Variants in WDR20 observed in about 807,000 individuals in gnomAD.
WDR20 encodes WD repeat domain 20.
WDR20 carries 3 observed loss-of-function variants against 38.7 expected under a neutral mutation model. The observed-to-expected ratio is 0.08, with a 90% CI of 0.04 to 0.20. The LOEUF (loss-of-function observed/expected upper bound fraction) is 0.20. Ranked by LOEUF, WDR20 falls within the 10% of genes least tolerant of loss-of-function variation. The pLI is 1.00. For synonymous variants in WDR20, 298 were observed against 285.6 expected, an observed-to-expected ratio of 1.04 and a Z score of -0.44; for missense variants, 559 against 727.7, an observed-to-expected ratio of 0.77 and a Z score of 2.67.
At chr14:102,214,499 T>C, downstream of WDR20, 3 of 985,482 alleles carry the variant, frequency 3.0e-6, no homozygotes, top group Non-Finnish European at 2.4e-6. Flanking sequence ...CTCACTGATG[T>C]TGATTTCTTT....
intron 1 of WDR20, among the ~76,000 whole-genome samples, chr14:102,142,041 C>T (rs2051414343): frequency 6.6e-6 from 1 of 152,132 alleles, no homozygotes; most frequent in Non-Finnish European, 1.5e-5. Flanking sequence ...CAATAGTGTT[C>T]TCTTTTAGTG....
At chr14:102,144,780 T>C (rs1286147430) in intron 1 of WDR20, among the ~76,000 whole-genome samples, 5 of 151,980 alleles carry the variant, frequency 3.3e-5, no homozygotes, top group Non-Finnish European at 7.4e-5. Context: ...CTTGGCTCAC[T>C]GCAACCTCTG....
intron 1 of WDR20, among the ~76,000 whole-genome samples, chr14:102,181,257 C>G (rs2063313877): frequency 6.6e-6 from 1 of 152,084 alleles, no homozygotes; most frequent in African/African-American, 2.4e-5. Context: ...CTGGTAGTTA[C>G]TGTCTGATGT....
chr14:102,140,232 C>T, intron 1 of WDR20, 60 bp downstream of exon 1: 1 of 1,594,026 alleles, frequency 6.3e-7, no homozygotes, highest in Non-Finnish European at 8.5e-7. Flanking sequence ...GGGAGCAGGG[C>T]GGTGACAGTG....
At chr14:102,183,025 C>G (rs551599849) in intron 1 of WDR20, among the ~76,000 whole-genome samples, 1 of 152,042 alleles carries the variant, frequency 6.6e-6, no homozygotes, top group South Asian at 2.1e-4. Flanking sequence ...GATTGCGCTA[C>G]TGCACTCCAG....
chr14:102,161,150 T>C (rs1234735521), intron 1 of WDR20, among the ~76,000 whole-genome samples: 1 of 23,304 alleles, frequency 4.3e-5, no homozygotes, highest in Non-Finnish European at 1.0e-4. Flanking sequence ...ATATTTTTTT[T>C]TTTTTTTTTT....
downstream of WDR20, chr14:102,215,114 T>G: frequency 1.9e-6 from 1 of 514,984 alleles, no homozygotes; most frequent in Non-Finnish European, 2.5e-6. Flanking sequence ...TGTTAATGTT[T>G]ATAGAACAGC....
At chr14:102,176,792 G>C (rs1010755296) in intron 1 of WDR20, among the ~76,000 whole-genome samples, 15 of 151,872 alleles carry the variant, frequency 9.9e-5, no homozygotes, top group Admixed American at 9.8e-4. Flanking sequence ...GGAGTGCAGT[G>C]GCGCCATCTC....
At chr14:102,212,461 A>G, downstream of WDR20, 1 of 1,527,426 alleles carries the variant, frequency 6.5e-7, no homozygotes, top group Non-Finnish European at 8.8e-7. Flanking sequence ...CAGGCCCTGC[A>G]GGGCGACACC....
intron 1 of WDR20, among the ~76,000 whole-genome samples, chr14:102,175,254 A>T (rs970687102): frequency 6.6e-6 from 1 of 152,210 alleles, no homozygotes; most frequent in African/African-American, 2.4e-5. Context: ...ATCCAATTTT[A>T]TTCTTCTACA....
intron 1 of WDR20, among the ~76,000 whole-genome samples, chr14:102,145,841 T>C (rs2152689756): frequency 6.6e-6 from 1 of 152,240 alleles, no homozygotes; most frequent in East Asian, 1.9e-4. Context: ...CCAAAGAACC[T>C]TCCTACCTTC....
chr14:102,178,488 C>G (rs187252766), intron 1 of WDR20, among the ~76,000 whole-genome samples: 16 of 152,142 alleles, frequency 1.1e-4, no homozygotes, highest in Admixed American at 9.8e-4. Flanking sequence ...TTCTCCCTCT[C>G]TTCCCTTACA....
Position 102,139,990 on chromosome 14 carries a change from C to T in WDR20, c.67C>T (p.Leu23=). Residue 23 remains leucine, a synonymous_variant, in exon 1 of 3, where the codon CTG becomes TTG. Transcript: ENST00000342702. ...GACCCAATTCACCACCCGGGAAGGTCTGTACAAGCTGCTGCCGCACTCGGA... is the reference window on the plus strand; with the variant it reads ...GACCCAATTCACCACCCGGGAAGGTTTGTACAAGCTGCTGCCGCACTCGGA... ...IKTQFTTREG[L]YKLLPHSEYS... The T allele has an allele frequency of 6.2e-7, 1 of 1,614,234 alleles. No individual in the cohort carries two copies. The highest frequency in any genetic ancestry group is 8.5e-7 in the Non-Finnish European group (1 of 1,180,032).
downstream of WDR20, among the ~76,000 whole-genome samples, chr14:102,211,961 C>G (rs2062595743): frequency 6.6e-6 from 1 of 152,136 alleles, no homozygotes; most frequent in Non-Finnish European, 1.5e-5. This position sits in a 1 kb window ranked among gnomAD's most constrained non-coding sequence, Gnocchi z 4.2. Context: ...CCCGAGTAAC[C>G]AACGTGACCG....
At chr14:102,218,224 A>G (rs1461344678), downstream of WDR20, among the ~76,000 whole-genome samples, 1 of 152,258 alleles carries the variant, frequency 6.6e-6, no homozygotes, top group Non-Finnish European at 1.5e-5. Flanking sequence ...TTGAATGACC[A>G]GAGAGGGTAT....
At chr14:102,197,796 A>C in intron 2 of WDR20, 1 of 702,824 alleles carries the variant, frequency 1.4e-6, no homozygotes, top group Non-Finnish European at 2.6e-6. Flanking sequence ...GGAATGAAGA[A>C]AGACAGAATG....
At chr14:102,197,908 C>A in intron 2 of WDR20, 1 of 670,928 alleles carries the variant, frequency 1.5e-6, no homozygotes, top group Admixed American at 2.1e-5. Flanking sequence ...AGGACCTTGA[C>A]TACCTACCAC....
intron 1 of WDR20, among the ~76,000 whole-genome samples, chr14:102,164,894 A>G (rs1456610068): frequency 2.6e-5 from 4 of 152,154 alleles, no homozygotes; most frequent in Non-Finnish European, 5.9e-5. Flanking sequence ...CCTTTTCTCC[A>G]TCACCAAAGG....
intron 1 of WDR20, among the ~76,000 whole-genome samples, chr14:102,165,668 ACT>A (rs1215961786): frequency 7.5e-6 from 1 of 133,480 alleles, no homozygotes; most frequent in Non-Finnish European, 1.6e-5. Context: ...ACAGGGTCTC[ACT>A]CTGTTGCTCA....
Sources: gnomAD v4.1 joint callset for allele counts (sites outside exome capture counted in the v4.1 genomes callset) on GRCh38, gnomAD v4.1.1 for gene constraint, Gnocchi (gnomAD v3.1) non-coding constraint, MANE v1.5 for transcripts, NCBI Gene and HGNC (gene_info 2026-07-23, HGNC 2026-07-21) for gene names.